The following SDHAF1 variants were observed in gnomAD, a reference collection of about 807,000 sequenced individuals.
The protein encoded by SDHAF1 is succinate dehydrogenase complex assembly factor 1, also known as succinate dehydrogenase assembly factor 1, mitochondrial.
For missense variants in SDHAF1, 198 were observed against 179.0 expected (o/e 1.11, Z -0.61); for synonymous variants, 81 against 85.8 (o/e 0.94, Z 0.31).
At position 35,995,886 on chromosome 19, in the gene SDHAF1, C is replaced by T. The variant is rs571021405; in HGVS notation, c.*264C>T. On this transcript the variant is annotated 3_prime_UTR_variant, in exon 1 of 1. Transcript: ENST00000378887. ...GGCTTGGGGCGGCCTGGGACGCTGG[C>T]GGGCTGGACAGTGTCAAGCCAAGAG... The T allele has an allele frequency of 5.6e-6, 3 of 531,506 alleles. No individual in the cohort carries two copies. The highest frequency in any genetic ancestry group is 1.0e-5 in the Non-Finnish European group (3 of 292,992). 32.9% of individuals were successfully genotyped at this position (531,506 alleles called of 1,614,324 possible). A position where few individuals can be genotyped will look rare whatever the true frequency, so the allele number is the denominator to read the frequency against.
Position 35,995,781 on chromosome 19 carries a change from T to C in SDHAF1, c.*159T>C, listed in dbSNP as rs1976661727. 7.9e-6 allele frequency: 5 copies of C among 629,448 alleles called. No individual in the cohort carries two copies. Among genetic ancestry groups the C allele is most frequent in the Non-Finnish European group, 1.4e-5 (5 of 357,480 alleles). 39.0% of individuals were successfully genotyped at this position (629,448 alleles called of 1,614,324 possible). A position where few individuals can be genotyped will look rare whatever the true frequency, so the allele number is the denominator to read the frequency against. ...CTCCTCCTTGGCGACGCAGGGGGCC[T>C]AGAGAGCCCCGTGATGGACGGCAAG... On this transcript the variant is annotated 3_prime_UTR_variant, in exon 1 of 1. Coordinates refer to ENST00000378887, the MANE Select transcript of SDHAF1 (RefSeq NM_001042631.3).
chr19:35,995,728 T>A lies in SDHAF1; in HGVS notation c.*106T>A. ...CCTAAGGTGAGAGGTCTTAAGAGAC[T>A]AGCTTGACGAATTGGGGATGTCAGA... On this transcript the variant is annotated 3_prime_UTR_variant, in exon 1 of 1. Transcript: ENST00000378887. 1.2e-6 allele frequency: 1 copy of A among 846,182 alleles called. No individual in the cohort carries two copies. The highest frequency in any genetic ancestry group is 1.9e-6 in the Non-Finnish European group (1 of 527,416). 52.4% of individuals were successfully genotyped at this position (846,182 alleles called of 1,614,324 possible).
rs1212040019 is a variant in SDHAF1, at chr19:35,995,488, A to G, written c.214A>G (p.Met72Val). ...GCTACGCTCGGGCCACGCCACCGCCATGGGCGCCTTCGTACGCCCGCGGGC... is the reference window on the plus strand; with the variant it reads ...GCTACGCTCGGGCCACGCCACCGCCGTGGGCGCCTTCGTACGCCCGCGGGC... ...QLLRSGHATA[M>V]GAFVRPRAPT... The change falls in exon 1 of 1, where the codon ATG (methionine) becomes GTG (valine). Residue 72 changes from methionine to valine, a missense_variant. Physicochemically the swap from Met to Val is conservative, Grantham distance 21 (BLOSUM62 1). Coordinates refer to ENST00000378887, the MANE Select transcript of SDHAF1 (RefSeq NM_001042631.3). 5 of 1,548,580 alleles carry G rather than the reference A, an allele frequency of 3.2e-6. No homozygotes were observed. In the Admixed American group the frequency reaches 7.5e-5, roughly 23 times the overall value.
In SDHAF1 at chr19:35,995,705, T is replaced by A; in HGVS notation, c.*83T>A. 9.1e-7 allele frequency: 1 copy of A among 1,096,902 alleles called. No homozygotes were observed. The highest frequency in any genetic ancestry group is 1.4e-6 in the Non-Finnish European group (1 of 736,136). The allele number at this position is 1,096,902 out of a possible 1,614,324, so 67.9% of individuals were successfully genotyped here. A position where few individuals can be genotyped will look rare whatever the true frequency, so the allele number is the denominator to read the frequency against. ...GCATGGGGGGACTGGGGAACCCGCC[T>A]AAGGTGAGAGGTCTTAAGAGACTAG... On this transcript the variant is annotated 3_prime_UTR_variant, in exon 1 of 1. Transcript: ENST00000378887.
Sources: allele counts gnomAD v4.1 joint callset, GRCh38; gene constraint gnomAD v4.1.1; transcripts MANE v1.5; gene names NCBI Gene and HGNC (gene_info 2026-07-23, HGNC 2026-07-21).